ZNF704: variants seen among roughly 807,000 people sequenced by gnomAD.
ZNF704 encodes the protein glucocorticoid induced gene 1.
ZNF704 carries 10 observed loss-of-function variants against 44.7 expected under a neutral mutation model. That is an observed-to-expected ratio of 0.22 (90% CI 0.14 to 0.38). The LOEUF is 0.38. Among genes scored for constraint, ZNF704 ranks in the 10% least tolerant of loss-of-function variants. ZNF704 has a pLI of 1.00. For missense variants in ZNF704, 390 were observed against 545.5 expected, an observed-to-expected ratio of 0.71 and a Z score of 2.84; for synonymous variants, 211 against 207.6, an observed-to-expected ratio of 1.02 and a Z score of -0.14.
intron 2 of ZNF704, among the ~76,000 whole-genome samples, chr8:80,772,290 GATTT>G (rs1807333716): frequency 6.6e-6 from 1 of 152,114 alleles, no homozygotes; most frequent in Non-Finnish European, 1.5e-5. Flanking sequence ...TTGCTTTGTT[GATTT>G]ATTAATCTTT....
chr8:80,678,804 C>T (rs957412954), intron 4 of ZNF704, among the ~76,000 whole-genome samples: 1 of 152,190 alleles, frequency 6.6e-6, no homozygotes, highest in African/African-American at 2.4e-5. Flanking sequence ...CATGCCTTTT[C>T]TGCACCATGC....
intron 1 of ZNF704, among the ~76,000 whole-genome samples, chr8:80,848,709 T>A (rs1234195256): frequency 6.6e-6 from 1 of 151,710 alleles, no homozygotes; most frequent in Non-Finnish European, 1.5e-5. Flanking sequence ...TGGTAGTGTG[T>A]GTCAGTAGTC....
intron 8 of ZNF704, 133 bp downstream of exon 8, chr8:80,642,902 A>G (rs1817766981): frequency 1.9e-6 from 1 of 515,016 alleles, no homozygotes; most frequent in African/African-American, 2.0e-5. Context: ...AAACCATGGG[A>G]AAAAAAGAAA....
intron 7 of ZNF704, among the ~76,000 whole-genome samples, chr8:80,655,801 A>T (rs1227627406): frequency 2.6e-5 from 4 of 152,164 alleles, no homozygotes; most frequent in Admixed American, 1.3e-4. Context: ...TATAATTCTG[A>T]ATCTTCCCTC....
At chr8:80,782,572 C>T (rs1395256104) in intron 2 of ZNF704, among the ~76,000 whole-genome samples, 1 of 152,098 alleles carries the variant, frequency 6.6e-6, no homozygotes, top group Non-Finnish European at 1.5e-5. Flanking sequence ...AGTCCTTCTG[C>T]TATTCTAGGC....
intron 1 of ZNF704, among the ~76,000 whole-genome samples, chr8:80,832,006 C>T (rs1188204600): frequency 6.6e-6 from 1 of 152,216 alleles, no homozygotes; most frequent in Non-Finnish European, 1.5e-5. Flanking sequence ...AGAAGCTCTT[C>T]ATATAGTGTA....
At chr8:80,657,024 C>T (rs750868975) in intron 7 of ZNF704, among the ~76,000 whole-genome samples, 1 of 152,094 alleles carries the variant, frequency 6.6e-6, no homozygotes, top group African/African-American at 2.4e-5. Context: ...TTAAATTCTA[C>T]GTGGCTTGCC....
intron 2 of ZNF704, among the ~76,000 whole-genome samples, chr8:80,705,179 G>GAATTC (rs1379830046): frequency 3.9e-4 from 59 of 152,320 alleles, no homozygotes; most frequent in African/African-American, 1.4e-3. Context: ...GAATTCTCAA[G>GAATTC]AGCTCCCTTC....
intron 2 of ZNF704, among the ~76,000 whole-genome samples, chr8:80,737,925 C>A (rs939737459): frequency 6.6e-6 from 1 of 152,132 alleles, no homozygotes; most frequent in Non-Finnish European, 1.5e-5. Context: ...TTCCAAGATC[C>A]AAATCCAGGA....
At chr8:80,852,753 G>C (rs527917452) in intron 1 of ZNF704, among the ~76,000 whole-genome samples, 1 of 152,228 alleles carries the variant, frequency 6.6e-6, no homozygotes, top group South Asian at 2.1e-4. Context: ...ACATTTGCTA[G>C]GACTGCATCT....
At chr8:80,721,220 A>G (rs1554576344) in intron 2 of ZNF704, among the ~76,000 whole-genome samples, 1 of 152,174 alleles carries the variant, frequency 6.6e-6, no homozygotes, top group Non-Finnish European at 1.5e-5. Context: ...TGCAATTTAA[A>G]TGTTAAATCT....
At chr8:80,703,513 C>T (rs1030926165) in intron 2 of ZNF704, among the ~76,000 whole-genome samples, 10 of 152,154 alleles carry the variant, frequency 6.6e-5, no homozygotes, top group African/African-American at 1.7e-4. Context: ...CTTGCTCTGT[C>T]ACCCAGACTG....
At chr8:80,775,716 A>G (rs1184048271) in intron 2 of ZNF704, among the ~76,000 whole-genome samples, 2 of 152,218 alleles carry the variant, frequency 1.3e-5, no homozygotes, top group Non-Finnish European at 2.9e-5. Context: ...TGCAAAAATT[A>G]TACTGTGAGT....
At chr8:80,788,251 T>C (rs1807646675) in intron 2 of ZNF704, among the ~76,000 whole-genome samples, 1 of 152,204 alleles carries the variant, frequency 6.6e-6, no homozygotes, top group Admixed American at 6.5e-5. Context: ...AATTAGCAAA[T>C]GCTGGTCTTG....
At position 80,630,172 on chromosome 8, in the gene ZNF704, T is replaced by C. The variant is rs1319096998; in HGVS notation, c.*11194A>G. 3 of 152,262 alleles carry C rather than the reference T, an allele frequency of 2.0e-5. No homozygotes were observed. Among genetic ancestry groups the C allele is most frequent in the African/African-American group, 7.2e-5 (3 of 41,476 alleles). The allele number at this position is 152,262 out of a possible 1,614,324, so 9.4% of individuals were successfully genotyped here. On this transcript the variant is annotated 3_prime_UTR_variant, in exon 9 of 9. Coordinates refer to ENST00000327835, the MANE Select transcript of ZNF704 (RefSeq NM_001033723.3). ...TCGATACAAAATACATGCTACTCTTTGAAAATGCATAGTTTATAATTTTAT... is the reference window on the plus strand; with the variant it reads ...TCGATACAAAATACATGCTACTCTTCGAAAATGCATAGTTTATAATTTTAT...
intron 2 of ZNF704, among the ~76,000 whole-genome samples, chr8:80,732,611 A>G (rs561449544): frequency 5.3e-5 from 8 of 152,332 alleles, no homozygotes; most frequent in African/African-American, 1.9e-4. Flanking sequence ...AAGTCTTTAG[A>G]TGACTGCCCC....
intron 1 of ZNF704, among the ~76,000 whole-genome samples, chr8:80,828,365 A>C (rs1451271988): frequency 6.6e-6 from 1 of 152,204 alleles, no homozygotes; most frequent in Non-Finnish European, 1.5e-5. Flanking sequence ...ACTGAAGCTA[A>C]AGAAAGGTTT....
chr8:80,813,429 T>C (rs78242359), intron 2 of ZNF704, among the ~76,000 whole-genome samples: 9,081 of 152,268 alleles, frequency 0.06, 302 homozygotes, highest in Non-Finnish European at 0.076. Flanking sequence ...AAAGAACTTA[T>C]AGTACACAAA....
intron 2 of ZNF704, among the ~76,000 whole-genome samples, chr8:80,717,147 A>C (rs916229823): frequency 3.3e-5 from 5 of 152,250 alleles, no homozygotes; most frequent in Admixed American, 1.3e-4. Flanking sequence ...GAAATGTCTT[A>C]AATCCAACTG....
Sources: allele counts gnomAD v4.1 joint callset (sites outside exome capture counted in the v4.1 genomes callset), GRCh38; gene constraint gnomAD v4.1.1; transcripts MANE v1.5; gene names NCBI Gene and HGNC (gene_info 2026-07-23, HGNC 2026-07-21).